The following NAV2 variants were observed in gnomAD, a reference collection of about 807,000 sequenced individuals.
NAV2 encodes neuron navigator 2, also known as helicase, APC down-regulated 1.
NAV2 carries 54 observed loss-of-function variants against 223.2 expected under a neutral mutation model. The ratio of observed to expected loss-of-function variants is 0.24; its 90% CI spans 0.19 to 0.30. The LOEUF (loss-of-function observed/expected upper bound fraction) is 0.30. NAV2 is among the 10% of genes least tolerant of loss of function. NAV2 has a pLI of 1.00. For missense variants in NAV2, 2,806 were observed against 3,147.5 expected (o/e 0.89, Z 2.60); for synonymous variants, 1,279 against 1,239.3 (o/e 1.03, Z -0.67).
rs1406247451 is a variant in NAV2 at position 20,043,770 on chromosome 11, A to G, written c.2908-211A>G. ...TCGTTCCATTCCATTCCAGGGATACATTGATATTATTTACTTTTTTATTTT... is the reference window on the plus strand; with the variant it reads ...TCGTTCCATTCCATTCCAGGGATACGTTGATATTATTTACTTTTTTATTTT... On this transcript the variant is annotated intron_variant, in intron 12 of 37. Coordinates refer to ENST00000349880, the MANE Select transcript of NAV2 (RefSeq NM_145117.5). 6.1e-5 allele frequency: 33 copies of G among 539,570 alleles called. 1 individual carries two copies. The South Asian group carries it at 7.9e-4, about 13-fold the overall frequency. The allele number at this position is 539,570 out of a possible 1,614,324, so 33.4% of individuals were successfully genotyped here. A position where few individuals can be genotyped will look rare whatever the true frequency, so the allele number is the denominator to read the frequency against.
At chr11:20,068,096 C>A in intron 20 of NAV2, 90 bp from the exon 21 acceptor site, 2 of 1,136,732 alleles carry the variant, frequency 1.8e-6, no homozygotes, top group Non-Finnish European at 2.7e-6. Context: ...CAGACTGCTG[C>A]AACCATCTGA....
At chr11:19,710,075 G>A (rs79971715), upstream of NAV2, among the ~76,000 whole-genome samples, 1,365 of 152,290 alleles carry the variant, frequency 9.0e-3, 27 homozygotes, top group East Asian at 0.056. Context: ...TCAGAACCCC[G>A]AAATGACCTT....
chr11:19,535,274 G>T lies in NAV2; in HGVS notation c.75+184247G>T, dbSNP rs141227588. Among the ~76,000 whole-genome samples the T allele has an allele frequency of 2.5e-3, 378 of 152,264 alleles. 1 individual carries two copies. The highest frequency in any genetic ancestry group is 4.0e-3 in the Non-Finnish European group (275 of 68,026). ...CCTGGGACTTGGAGCAGCTACTGTG[G>T]GAACCTTGGTAGCAGGAGATGCACT... On this transcript the variant is annotated intron_variant, in intron 1 of 37. Transcript: ENST00000360655.
intron 1 of NAV2, among the ~76,000 whole-genome samples, chr11:19,746,788 C>T (rs1250870390): frequency 6.6e-6 from 1 of 151,912 alleles, no homozygotes; most frequent in East Asian, 1.9e-4. Flanking sequence ...AAAATTGGTA[C>T]TCCTGATTGC....
intron 1 of NAV2, among the ~76,000 whole-genome samples, chr11:19,553,234 C>A (rs2044746316): frequency 6.6e-6 from 1 of 152,156 alleles, no homozygotes; most frequent in Non-Finnish European, 1.5e-5. Context: ...CTAGAAAGCC[C>A]CAAAATTCCT....
Position 19,517,058 on chromosome 11 carries a change from AT to A in NAV2, c.75+166032del, listed in dbSNP as rs67042040. Among the ~76,000 whole-genome samples the A allele has an allele frequency of 1.6e-4, 24 of 149,642 alleles. 1 individual carries two copies. The highest frequency in any genetic ancestry group is 4.6e-4 in the African/African-American group (18 of 39,394). On this transcript the variant is annotated intron_variant, in intron 1 of 37. Transcript: ENST00000360655. Reference sequence around the variant, plus strand: ...GACCCTCTCTCTCCAAAAAAAAAAAATAATAATACGATGAAATGGGTTTTGC... The same window carrying A: ...GACCCTCTCTCTCCAAAAAAAAAAAAAATAATACGATGAAATGGGTTTTGC...
chr11:19,455,771 A>G (rs1221511708), intron 1 of NAV2, among the ~76,000 whole-genome samples: 6 of 152,224 alleles, frequency 3.9e-5, no homozygotes, highest in African/African-American at 1.4e-4. Context: ...CCTCTGTGCT[A>G]TTTAAGGAAA....
intron 1 of NAV2, among the ~76,000 whole-genome samples, chr11:19,530,636 G>A (rs1183873733): frequency 1.3e-5 from 2 of 152,202 alleles, no homozygotes; most frequent in East Asian, 1.9e-4. Context: ...CACCTGCCAC[G>A]GAAATGTGCT....
At chr11:19,727,798 C>G (rs561967547) in intron 1 of NAV2, among the ~76,000 whole-genome samples, 1 of 152,308 alleles carries the variant, frequency 6.6e-6, no homozygotes, top group Admixed American at 6.5e-5. Context: ...CTTGTGCACA[C>G]CTGTGTCTCA....
intron 1 of NAV2, among the ~76,000 whole-genome samples, chr11:19,574,643 A>G (rs1250473060): frequency 2.0e-5 from 3 of 152,138 alleles, no homozygotes; most frequent in East Asian, 1.9e-4. Context: ...TTGATCACCT[A>G]TTAAGTGCCA....
intron 11 of NAV2, among the ~76,000 whole-genome samples, chr11:19,990,007 C>G (rs1270303308): frequency 6.6e-6 from 1 of 152,202 alleles, no homozygotes; most frequent in African/African-American, 2.4e-5. Context: ...AAAGTGAACT[C>G]TGTCCTTCAG....
intron 1 of NAV2, among the ~76,000 whole-genome samples, chr11:19,810,524 ATTCCT>A (rs2058787854): frequency 6.6e-6 from 1 of 152,190 alleles, no homozygotes; most frequent in East Asian, 1.9e-4. Flanking sequence ...TCCTATCTAG[ATTCCT>A]TTACGCTGAC....
chr11:19,793,741 C>T (rs1005850476), intron 1 of NAV2, among the ~76,000 whole-genome samples: 25 of 152,338 alleles, frequency 1.6e-4, no homozygotes, highest in African/African-American at 5.8e-4. Context: ...TCCGATTCCC[C>T]TGTCCTGGCC....
intron 1 of NAV2, among the ~76,000 whole-genome samples, chr11:19,569,703 C>T (rs1021927536): frequency 3.3e-5 from 5 of 152,202 alleles, no homozygotes; most frequent in Non-Finnish European, 5.9e-5. Flanking sequence ...AATCAGGATG[C>T]AAAGGGCTAC....
At position 19,523,231 on chromosome 11, in the gene NAV2, G is replaced by A. The variant is rs746793833; in HGVS notation, c.75+172204G>A. 5.3e-5 allele frequency among the ~76,000 whole-genome samples: 8 copies of A among 152,224 alleles called. No homozygotes were observed. The East Asian group carries it at 1.5e-3, about 29-fold the overall frequency. On this transcript the variant is annotated intron_variant, in intron 1 of 37. Transcript: ENST00000360655. Reference sequence around the variant, plus strand: ...CGAACTCCCTTCTCCAGTGAAAACCGCCTCCTGCCCGGTCCTCCTGTGTGC... The same window carrying A: ...CGAACTCCCTTCTCCAGTGAAAACCACCTCCTGCCCGGTCCTCCTGTGTGC...
chr11:19,721,725 A>G (rs2050762750), intron 1 of NAV2, among the ~76,000 whole-genome samples: 1 of 152,248 alleles, frequency 6.6e-6, no homozygotes, highest in African/African-American at 2.4e-5. Flanking sequence ...GAGATATTTG[A>G]TTGTAGATTG....
chr11:20,014,048 G>T (rs143999305), intron 11 of NAV2, among the ~76,000 whole-genome samples: 17 of 152,350 alleles, frequency 1.1e-4, no homozygotes, highest in African/African-American at 3.6e-4. Flanking sequence ...ACCGGGGCCA[G>T]TGGGAAAACT....
At chr11:19,621,940 AT>A (rs1199955876) in intron 1 of NAV2, among the ~76,000 whole-genome samples, 3 of 152,054 alleles carry the variant, frequency 2.0e-5, no homozygotes, top group African/African-American at 7.2e-5. Flanking sequence ...TGTCCCAGGG[AT>A]TCTGGTATGT....
chr11:19,475,309 T>C (rs1325486333), intron 1 of NAV2, among the ~76,000 whole-genome samples: 1 of 152,218 alleles, frequency 6.6e-6, no homozygotes, highest in Non-Finnish European at 1.5e-5. Flanking sequence ...AAGCCTTTCT[T>C]TTCAGTGAAG....
Sources: allele counts gnomAD v4.1 joint callset (sites outside exome capture counted in the v4.1 genomes callset), GRCh38; gene constraint gnomAD v4.1.1; transcripts MANE v1.5; gene names NCBI Gene and HGNC (gene_info 2026-07-23, HGNC 2026-07-21).